Variants in RGPD8 observed in about 807,000 individuals in gnomAD.
The protein encoded by RGPD8 is RANBP2-like and GRIP domain-containing protein 8.
Under a neutral mutation model 89.1 loss-of-function variants are expected in RGPD8, and 15 were observed. That is an observed-to-expected ratio of 0.17 (90% CI 0.11 to 0.26). RGPD8 has a LOEUF of 0.26. RGPD8 is among the 10% of genes least tolerant of loss of function. The pLI is 1.00. For synonymous variants in RGPD8, 62 were observed against 420.9 expected, an observed-to-expected ratio of 0.15 and a Z score of 10.44; for missense variants, 178 against 1,179.6, an observed-to-expected ratio of 0.15 and a Z score of 12.44.
intron 22 of RGPD8, 147 bp from the exon 23 acceptor site, chr2:112,370,359 G>GTTTTTTT (rs1553500665): frequency 9.9e-6 from 1 of 100,748 alleles, no homozygotes; most frequent in Admixed American, 2.4e-4. Flanking sequence ...GGGGGGGGGG[G>GTTTTTTT]TTCTTTTTTT....
intron 14 of RGPD8, 22 bp from the exon 15 acceptor site, chr2:112,399,391 GAA>G: frequency 3.6e-6 from 1 of 277,168 alleles, no homozygotes; most frequent in Non-Finnish European, 6.0e-6. Flanking sequence ...GTGCTTTCAT[GAA>G]ATCATTAGCT....
intron 1 of RGPD8, among the ~76,000 whole-genome samples, chr2:112,429,573 C>G (rs1484577692): frequency 1.3e-5 from 2 of 151,910 alleles, no homozygotes; most frequent in African/African-American, 4.8e-5. Flanking sequence ...AGGTGCCTGC[C>G]TGTAGTCCTA....
At chr2:112,413,471 T>C (rs1679265314) in intron 6 of RGPD8, among the ~76,000 whole-genome samples, 1 of 103,666 alleles carries the variant, frequency 9.6e-6, no homozygotes, top group African/African-American at 4.6e-5. Flanking sequence ...ATCCTAATGT[T>C]TCTCCAAATC....
chr2:112,416,310 C>A (rs1679415680), intron 6 of RGPD8, among the ~76,000 whole-genome samples: 1 of 152,148 alleles, frequency 6.6e-6, no homozygotes, highest in African/African-American at 2.4e-5. Flanking sequence ...ACACTATGTA[C>A]TTTTTCAAGA....
chr2:112,408,649 C>A (rs1359194825), intron 7 of RGPD8, among the ~76,000 whole-genome samples: 1 of 151,772 alleles, frequency 6.6e-6, no homozygotes, highest in Non-Finnish European at 1.5e-5. Flanking sequence ...TCCACTCAAT[C>A]AAATCATCTC....
chr2:112,433,607 C>G lies in RGPD8; in HGVS notation c.-154G>C. ...GAGCGTGCGGCGCCGCCCACGGAGG[C>G]CCACTGTGACGAACCTGCGTTCTGC... On this transcript the variant is annotated 5_prime_UTR_variant, in exon 1 of 23. Coordinates refer to ENST00000302558, the MANE Select transcript of RGPD8 (RefSeq NM_001164463.1). 2 of 817,916 alleles carry G rather than the reference C, an allele frequency of 2.4e-6. No homozygotes were observed. The highest frequency in any genetic ancestry group is 5.5e-5 in the East Asian group (2 of 36,604). 50.7% of individuals were successfully genotyped at this position (817,916 alleles called of 1,614,324 possible).
chr2:112,430,640 G>C (rs1384952194), intron 1 of RGPD8, among the ~76,000 whole-genome samples: 1 of 146,738 alleles, frequency 6.8e-6, no homozygotes, highest in Non-Finnish European at 1.5e-5. Flanking sequence ...AGGCTCTAAG[G>C]TTGCTTTTTT....
chr2:112,432,562 C>T (rs1349283067), intron 1 of RGPD8: 11 of 985,284 alleles, frequency 1.1e-5, no homozygotes, highest in African/African-American at 1.7e-5. Flanking sequence ...AAAGCTCACC[C>T]GGAGCTGCGT....
rs1399902692 is a variant in RGPD8, at chr2:112,387,862, A to G, written c.4921+162T>C. On this transcript the variant is annotated intron_variant, in intron 20 of 22. Coordinates refer to ENST00000302558, the MANE Select transcript of RGPD8 (RefSeq NM_001164463.1). ...AAGTTCTCTTGCTCTTTGAAACCTC[A>G]CCGAGAACTTATTAAGGGAGAAAAA... Among the ~76,000 whole-genome samples, 6 of 145,482 alleles carry G rather than the reference A, an allele frequency of 4.1e-5. 1 individual carries two copies. Among genetic ancestry groups the G allele is most frequent in the African/African-American group, 1.3e-4 (5 of 39,750 alleles).
chr2:112,370,969 T>C (rs1486930912), intron 22 of RGPD8, among the ~76,000 whole-genome samples: 3 of 149,922 alleles, frequency 2.0e-5, no homozygotes, highest in Admixed American at 6.7e-5. Context: ...TGTCTGTTCT[T>C]GAACATTATT....
At chr2:112,409,852 C>A (rs1191834732) in intron 7 of RGPD8, among the ~76,000 whole-genome samples, 1 of 135,290 alleles carries the variant, frequency 7.4e-6, no homozygotes, top group Non-Finnish European at 1.5e-5. Flanking sequence ...CAGCTCACAC[C>A]TATAATCCCA....
chr2:112,429,537 C>A (rs912434893), intron 1 of RGPD8, among the ~76,000 whole-genome samples: 6 of 150,100 alleles, frequency 4.0e-5, no homozygotes, highest in Non-Finnish European at 5.9e-5. Context: ...ATGTAAAGGG[C>A]AGAAAAAACA....
intron 1 of RGPD8, chr2:112,432,752 C>T (rs1274182887): frequency 1.9e-5 from 19 of 985,112 alleles, no homozygotes; most frequent in Non-Finnish European, 2.3e-5. Context: ...AGCCCACGAG[C>T]GAGCACCGTC....
intron 20 of RGPD8, among the ~76,000 whole-genome samples, chr2:112,382,713 CAAT>C (rs1285511063): frequency 2.9e-5 from 4 of 140,016 alleles, no homozygotes; most frequent in Non-Finnish European, 4.7e-5. Context: ...CAGAGGTACA[CAAT>C]AAAATGAAAA....
intron 1 of RGPD8, among the ~76,000 whole-genome samples, chr2:112,432,115 G>T (rs1162357458): frequency 6.6e-6 from 1 of 152,176 alleles, no homozygotes; most frequent in East Asian, 1.9e-4. Flanking sequence ...ATAAACGACA[G>T]TGCTGTGATT....
chr2:112,415,024 A>C (rs1415597665), intron 6 of RGPD8, among the ~76,000 whole-genome samples: 1 of 141,796 alleles, frequency 7.1e-6, no homozygotes, highest in Non-Finnish European at 1.5e-5. Flanking sequence ...CATCTCAAAA[A>C]AAAAAAAGAT....
intron 6 of RGPD8, among the ~76,000 whole-genome samples, chr2:112,415,891 A>G (rs1211845053): frequency 2.2e-4 from 33 of 150,880 alleles, no homozygotes; most frequent in Admixed American, 3.3e-4. Flanking sequence ...AAAAAAAAAA[A>G]AGAGAGATTG....
chr2:112,414,902 C>T (rs1679323118), intron 6 of RGPD8, among the ~76,000 whole-genome samples: 1 of 114,128 alleles, frequency 8.8e-6, no homozygotes, highest in African/African-American at 3.8e-5. Flanking sequence ...CACCTGTAGG[C>T]CCAGCTACTC....
At chr2:112,370,358 G>GGC (rs1558970596) in intron 22 of RGPD8, 146 bp from the exon 23 acceptor site, 1 of 285,502 alleles carries the variant, frequency 3.5e-6, no homozygotes, top group Non-Finnish European at 5.8e-6. Context: ...TGGGGGGGGG[G>GGC]GTTCTTTTTT....
Sources: allele counts gnomAD v4.1 joint callset (sites outside exome capture counted in the v4.1 genomes callset), GRCh38; gene constraint gnomAD v4.1.1; transcripts MANE v1.5; gene names NCBI Gene and HGNC (gene_info 2026-07-23, HGNC 2026-07-21).